The following IRAK2 variants were observed in gnomAD, a reference collection of about 807,000 sequenced individuals.
IRAK2 encodes the protein interleukin 1 receptor associated kinase 2, also known as interleukin-1 receptor-associated kinase-like 2.
In IRAK2, 57 loss-of-function variants were observed where a neutral mutation model predicts 72.0. The ratio of observed to expected loss-of-function variants is 0.79; its 90% CI spans 0.64 to 0.99. IRAK2 has a LOEUF of 0.99. Among genes scored for constraint, IRAK2 ranks in the 50% least tolerant of loss-of-function variants. IRAK2 has a pLI of 0.00. For synonymous variants in IRAK2, 293 were observed against 312.7 expected, an observed-to-expected ratio of 0.94 and a Z score of 0.67; for missense variants, 790 against 794.4, an observed-to-expected ratio of 0.99 and a Z score of 0.07.
At chr3:10,196,064 A>G (rs1697259549) in intron 2 of IRAK2, among the ~76,000 whole-genome samples, 5 of 152,204 alleles carry the variant, frequency 3.3e-5, no homozygotes, top group Admixed American at 3.3e-4. Context: ...TGCTTGAATC[A>G]GCACTCACCC....
chr3:10,196,411 G>A (rs192625619), intron 2 of IRAK2, among the ~76,000 whole-genome samples: 4 of 152,310 alleles, frequency 2.6e-5, no homozygotes, highest in South Asian at 2.1e-4. Flanking sequence ...CACTGTGCCC[G>A]GCCTAGGGAC....
At chr3:10,190,219 T>C in intron 2 of IRAK2, among the ~76,000 whole-genome samples, 1 of 147,920 alleles carries the variant, frequency 6.8e-6, no homozygotes, top group East Asian at 2.0e-4. Context: ...TTGCCCTATC[T>C]ACTTTTCTTG....
At chr3:10,226,506 C>A in intron 10 of IRAK2, 73 bp downstream of exon 10, 1 of 1,217,260 alleles carries the variant, frequency 8.2e-7, no homozygotes, top group Non-Finnish European at 1.2e-6. Context: ...GCAACGACCT[C>A]AATTCTAGCT....
intron 2 of IRAK2, among the ~76,000 whole-genome samples, chr3:10,188,688 G>A (rs1232440297): frequency 2.6e-5 from 4 of 152,274 alleles, no homozygotes; most frequent in East Asian, 1.9e-4. Context: ...CACCACGCCC[G>A]GCTTATTTTG....
intron 11 of IRAK2, among the ~76,000 whole-genome samples, chr3:10,236,078 A>G (rs896076304): frequency 1.3e-5 from 2 of 152,142 alleles, no homozygotes; most frequent in Non-Finnish European, 2.9e-5. Flanking sequence ...GCGCCAGGAC[A>G]GTGTATGATG....
At chr3:10,167,105 AT>A (rs964406708) in intron 1 of IRAK2, among the ~76,000 whole-genome samples, 2 of 152,146 alleles carry the variant, frequency 1.3e-5, no homozygotes, top group African/African-American at 4.8e-5. Flanking sequence ...TAAAAAAAAA[AT>A]AAAGCTTTAC....
At chr3:10,234,401 C>A in intron 10 of IRAK2, 58 bp from the exon 11 acceptor site, 1 of 1,465,244 alleles carries the variant, frequency 6.8e-7, no homozygotes, top group Non-Finnish European at 9.6e-7. Context: ...GGGGCGCGTG[C>A]GTTGGCTCTC....
intron 1 of IRAK2, among the ~76,000 whole-genome samples, chr3:10,175,796 C>A (rs1462380442): frequency 1.4e-5 from 2 of 143,756 alleles, no homozygotes; most frequent in African/African-American, 2.6e-5. Context: ...AGGCTGAGGC[C>A]GGAGAATGGC....
chr3:10,195,935 A>G (rs1697255868), intron 2 of IRAK2, among the ~76,000 whole-genome samples: 1 of 152,120 alleles, frequency 6.6e-6, no homozygotes, highest in Non-Finnish European at 1.5e-5. Flanking sequence ...TCTCCCTGCC[A>G]GAGAGGGGAG....
intron 2 of IRAK2, among the ~76,000 whole-genome samples, chr3:10,195,743 G>A (rs1697253142): frequency 6.6e-6 from 1 of 152,070 alleles, no homozygotes; most frequent in African/African-American, 2.4e-5. Context: ...ATACTGTTGC[G>A]GGCCTGGCCT....
chr3:10,213,587 C>CT, intron 6 of IRAK2, 39 bp downstream of exon 6: 1 of 1,483,034 alleles, frequency 6.7e-7, no homozygotes. Flanking sequence ...GATAGCTAAC[C>CT]TTTATATAGT....
intron 11 of IRAK2, among the ~76,000 whole-genome samples, chr3:10,236,342 G>T (rs812342): frequency 0.17 from 16,471 of 99,800 alleles, 2,182 homozygotes; most frequent in East Asian, 0.73. Flanking sequence ...AGCCACTAAG[G>T]TTTTTTTTTT....
intron 2 of IRAK2, among the ~76,000 whole-genome samples, chr3:10,184,783 G>A (rs1283795551): frequency 7.1e-6 from 1 of 141,708 alleles, no homozygotes; most frequent in Non-Finnish European, 1.5e-5. Flanking sequence ...AGGCTGGAGT[G>A]CAGTGGCGCG....
chr3:10,184,768 C>G (rs1217561614), intron 2 of IRAK2, among the ~76,000 whole-genome samples: 1 of 128,364 alleles, frequency 7.8e-6, no homozygotes, highest in Non-Finnish European at 1.6e-5. Context: ...CTTGCTCTGT[C>G]GCCCAGGCTG....
intron 3 of IRAK2, among the ~76,000 whole-genome samples, chr3:10,208,345 A>G (rs1411682059): frequency 6.6e-6 from 1 of 151,890 alleles, no homozygotes; most frequent in East Asian, 1.9e-4. Context: ...TCTGCCTCCT[A>G]GGCTAGAGTG....
chr3:10,212,589 C>T (rs2125155712), intron 4 of IRAK2, among the ~76,000 whole-genome samples: 1 of 152,192 alleles, frequency 6.6e-6, no homozygotes, highest in East Asian at 1.9e-4. Context: ...AAACATCAAC[C>T]ATGTGCCAGG....
At chr3:10,194,351 G>A (rs1697231725) in intron 2 of IRAK2, among the ~76,000 whole-genome samples, 2 of 152,222 alleles carry the variant, frequency 1.3e-5, no homozygotes, top group Admixed American at 1.3e-4. Context: ...TTTATGTGTG[G>A]AATTCTCTTG....
chr3:10,178,186 G>A (rs1055818395), intron 2 of IRAK2, among the ~76,000 whole-genome samples, 166 bp downstream of exon 2: 3 of 152,210 alleles, frequency 2.0e-5, no homozygotes, highest in Admixed American at 6.5e-5. Context: ...GGCCAGGTGC[G>A]GTGGCTCACG....
At position 10,192,068 on chromosome 3, in the gene IRAK2, TTG is replaced by T. The variant is rs139147628; in HGVS notation, c.278-8294_278-8293del. Among the ~76,000 whole-genome samples, 267 of 149,354 alleles carry T rather than the reference TTG, an allele frequency of 1.8e-3. 1 individual carries two copies. The highest frequency in any genetic ancestry group is 6.4e-3 in the African/African-American group (255 of 40,018). On this transcript the variant is annotated intron_variant, in intron 2 of 12. Transcript: ENST00000256458. ...TGTGTGTGTGTGTGTGTGTTGTGTG[TTG>T]TGTGTGACTGTGTATGGCCTGGAGG...
Sources: gnomAD v4.1 joint callset for allele counts (sites outside exome capture counted in the v4.1 genomes callset) on GRCh38, gnomAD v4.1.1 for gene constraint, MANE v1.5 for transcripts, NCBI Gene and HGNC (gene_info 2026-07-23, HGNC 2026-07-21) for gene names.